Variants in EXOC6B observed in about 807,000 individuals in gnomAD.
The protein encoded by EXOC6B is exocyst complex component 6B, also known as SEC15 homolog B.
In EXOC6B, 54 loss-of-function variants were observed where a neutral mutation model predicts 113.5. The observed-to-expected ratio is 0.48, with a 90% CI of 0.38 to 0.60. The LOEUF (loss-of-function observed/expected upper bound fraction) is 0.60. EXOC6B is among the 20% of genes least tolerant of loss of function. The probability of loss-of-function intolerance (pLI) is 0.00; values close to 1 mark genes in which losing one functional copy is unlikely to be tolerated. For missense variants in EXOC6B, 797 were observed against 977.5 expected (o/e 0.82, Z 2.46); for synonymous variants, 357 against 339.0 (o/e 1.05, Z -0.58).
intron 6 of EXOC6B, among the ~76,000 whole-genome samples, chr2:72,676,301 A>G (rs1476527278): frequency 6.6e-6 from 1 of 152,170 alleles, no homozygotes; most frequent in African/African-American, 2.4e-5. Flanking sequence ...TTCAAACACT[A>G]CAAAGCATCT....
chr2:72,661,310 A>C (rs1326268003), intron 6 of EXOC6B, among the ~76,000 whole-genome samples: 1 of 151,694 alleles, frequency 6.6e-6, no homozygotes, highest in Non-Finnish European at 1.5e-5. Context: ...AAGAAAAAAA[A>C]CTAAATTGTC....
intron 8 of EXOC6B, among the ~76,000 whole-genome samples, chr2:72,550,313 T>C (rs1249041072): frequency 2.0e-5 from 3 of 152,140 alleles, no homozygotes; most frequent in African/African-American, 7.2e-5. Flanking sequence ...AGGTAACAAA[T>C]TACAGCCCCA....
At chr2:72,822,011 T>A (rs555971982) in intron 1 of EXOC6B, among the ~76,000 whole-genome samples, 1 of 152,306 alleles carries the variant, frequency 6.6e-6, no homozygotes, top group Non-Finnish European at 1.5e-5. Flanking sequence ...ATATTAAATT[T>A]TAAGTTTGAA....
At chr2:72,536,730 T>C (rs1702311479) in intron 8 of EXOC6B, among the ~76,000 whole-genome samples, 1 of 152,218 alleles carries the variant, frequency 6.6e-6, no homozygotes, top group Non-Finnish European at 1.5e-5. Flanking sequence ...GCCATCACAA[T>C]GTGGCCTCAA....
intron 19 of EXOC6B, among the ~76,000 whole-genome samples, chr2:72,374,662 G>T (rs1353310944): frequency 6.6e-6 from 1 of 151,366 alleles, no homozygotes; most frequent in Non-Finnish European, 1.5e-5. Context: ...TAATTTAATG[G>T]TACATTTTAA....
chr2:72,536,793 T>C (rs1702315285), intron 8 of EXOC6B, among the ~76,000 whole-genome samples: 1 of 152,162 alleles, frequency 6.6e-6, no homozygotes, highest in Non-Finnish European at 1.5e-5. Context: ...TTTGGATGAA[T>C]CAGAAAAAAG....
intron 18 of EXOC6B, among the ~76,000 whole-genome samples, chr2:72,384,444 T>C (rs555895455): frequency 2.3e-4 from 35 of 152,238 alleles, no homozygotes; most frequent in African/African-American, 8.2e-4. Flanking sequence ...ATCTTTTTTT[T>C]TAAGATTAGG....
intron 20 of EXOC6B, among the ~76,000 whole-genome samples, chr2:72,192,713 A>G (rs1315494183): frequency 6.6e-6 from 1 of 152,158 alleles, no homozygotes; most frequent in African/African-American, 2.4e-5. Flanking sequence ...CCTCTTCCCC[A>G]GGGGTGATTT....
At chr2:72,276,417 T>A (rs1254310668) in intron 20 of EXOC6B, among the ~76,000 whole-genome samples, 3 of 152,162 alleles carry the variant, frequency 2.0e-5, no homozygotes, top group Non-Finnish European at 4.4e-5. Context: ...GGGCTCTTTC[T>A]CTTATCATTT....
At chr2:72,741,491 A>G (rs1247944735) in intron 1 of EXOC6B, 22 bp from the exon 2 acceptor site, 1 of 1,592,454 alleles carries the variant, frequency 6.3e-7, no homozygotes, top group East Asian at 2.2e-5. Context: ...AATGGCACGA[A>G]GATTATACCA....
chr2:72,345,441 T>C (rs1689271277), intron 19 of EXOC6B, among the ~76,000 whole-genome samples: 1 of 152,172 alleles, frequency 6.6e-6, no homozygotes, highest in Non-Finnish European at 1.5e-5. Flanking sequence ...TGTCCTTTAG[T>C]AGGTGAATGG....
intron 19 of EXOC6B, among the ~76,000 whole-genome samples, chr2:72,367,106 T>C (rs911026498): frequency 3.9e-5 from 6 of 152,166 alleles, no homozygotes; most frequent in Non-Finnish European, 5.9e-5. Context: ...GTGGGGTTTA[T>C]AGACTATGTA....
chr2:72,588,444 T>G (rs1558822032), intron 6 of EXOC6B, among the ~76,000 whole-genome samples: 2 of 151,994 alleles, frequency 1.3e-5, no homozygotes, highest in African/African-American at 2.4e-5. Context: ...CAAAACTGTA[T>G]GAAACCACTC....
chr2:72,731,023 G>C lies in EXOC6B; in HGVS notation c.448C>G (p.Gln150Glu). The C allele has an allele frequency of 6.5e-7, 1 of 1,537,666 alleles. No individual in the cohort carries two copies. Among genetic ancestry groups the C allele is most frequent in the Non-Finnish European group, 8.7e-7 (1 of 1,143,830 alleles). ...AAATCTTACCTTTTAGTTTTCATCTGGTCCCTCAGTTTGCTGTACATCTCT... is the reference window on the plus strand; with the variant it reads ...AAATCTTACCTTTTAGTTTTCATCTCGTCCCTCAGTTTGCTGTACATCTCT... ...VLEMYSKLRD[Q>E]MKTKRHYPAL... The change falls in exon 5 of 22, where the codon CAG (glutamine) becomes GAG (glutamate). Residue 150 changes from glutamine to glutamate, a missense_variant. Physicochemically the swap from Gln to Glu is conservative, Grantham distance 29 (BLOSUM62 2). Transcript: ENST00000272427.
At chr2:72,571,870 G>C (rs1332669410) in intron 7 of EXOC6B, among the ~76,000 whole-genome samples, 4 of 151,746 alleles carry the variant, frequency 2.6e-5, no homozygotes, top group Non-Finnish European at 2.9e-5. Flanking sequence ...CTTATTCCAT[G>C]ATCTCCTCTT....
Position 72,495,493 on chromosome 2 carries a change from A to G in EXOC6B, c.1490T>C (p.Val497Ala), listed in dbSNP as rs1409482292. ...GATAAATTCTTTAATTTGGTTGTAA[A>G]CTTTTGGCACAAATTCAGAGAAAGG... Reference protein sequence around the residue: ...KFPFSEFVPKVYNQIKEFIYA... With the variant: ...KFPFSEFVPKAYNQIKEFIYA... The change falls in exon 15 of 22, where the codon GTT becomes GCT. Residue 497 changes from valine to alanine, a missense_variant. Val to Ala is a moderately conservative substitution (Grantham distance 64). Transcript: ENST00000272427. 16 of 1,609,564 alleles carry G rather than the reference A, an allele frequency of 9.9e-6. No individual in the cohort carries two copies. The highest frequency in any genetic ancestry group is 1.4e-5 in the Non-Finnish European group (16 of 1,177,936).
At chr2:72,504,866 C>T (rs545326474) in intron 11 of EXOC6B, among the ~76,000 whole-genome samples, 1 of 152,262 alleles carries the variant, frequency 6.6e-6, no homozygotes, top group African/African-American at 2.4e-5. Flanking sequence ...GAAGACTGAA[C>T]ACCTTTCACA....
chr2:72,791,170 G>A (rs1189353496), intron 1 of EXOC6B, among the ~76,000 whole-genome samples: 18 of 152,148 alleles, frequency 1.2e-4, no homozygotes, highest in Admixed American at 1.1e-3. Context: ...TTGAGATGAT[G>A]GGTATGCTAA....
intron 20 of EXOC6B, among the ~76,000 whole-genome samples, chr2:72,195,986 G>A (rs913155144): frequency 1.3e-5 from 2 of 152,128 alleles, no homozygotes; most frequent in African/African-American, 4.8e-5. Flanking sequence ...AACTGCAGTG[G>A]GAAGAAAGTT....
Sources: gnomAD v4.1 joint callset for allele counts (sites outside exome capture counted in the v4.1 genomes callset) on GRCh38, gnomAD v4.1.1 for gene constraint, MANE v1.5 for transcripts, NCBI Gene and HGNC (gene_info 2026-07-23, HGNC 2026-07-21) for gene names.